Variants in PARD3B observed in about 807,000 individuals in gnomAD.
PARD3B encodes the protein partitioning defective 3 homolog B.
PARD3B carries 103 observed loss-of-function variants against 130.2 expected under a neutral mutation model. The observed-to-expected ratio is 0.79, with a 90% CI of 0.67 to 0.93. The LOEUF is 0.93. Among genes scored for constraint, PARD3B ranks in the 40% least tolerant of loss-of-function variants. PARD3B has a pLI of 0.00. For synonymous variants in PARD3B, 583 were observed against 553.2 expected, an observed-to-expected ratio of 1.05 and a Z score of -0.76; for missense variants, 1,609 against 1,499.2, an observed-to-expected ratio of 1.07 and a Z score of -1.21.
intron 1 of PARD3B, among the ~76,000 whole-genome samples, chr2:204,681,195 C>T (rs77022920): frequency 7.9e-5 from 12 of 152,124 alleles, no homozygotes; most frequent in Non-Finnish European, 1.6e-4. Flanking sequence ...ATTAATACTT[C>T]TTTCCTTGAA....
At chr2:205,059,639 T>C (rs528935202) in intron 4 of PARD3B, among the ~76,000 whole-genome samples, 1 of 152,188 alleles carries the variant, frequency 6.6e-6, no homozygotes, top group East Asian at 1.9e-4. Flanking sequence ...CCTTTATGAA[T>C]CTAGAAACTT....
chr2:204,959,744 G>A (rs1289891357), intron 2 of PARD3B, among the ~76,000 whole-genome samples: 1 of 152,182 alleles, frequency 6.6e-6, no homozygotes, highest in Non-Finnish European at 1.5e-5. Context: ...AGTTTCAGAT[G>A]TTCCTTTCAG....
At chr2:204,973,691 G>GATAA (rs1178654832) in intron 3 of PARD3B, among the ~76,000 whole-genome samples, 1 of 152,064 alleles carries the variant, frequency 6.6e-6, no homozygotes, top group Admixed American at 6.6e-5. Context: ...TGCTTTATCT[G>GATAA]ATAAAGCCTT....
At chr2:204,772,422 T>C (rs1456322040) in intron 2 of PARD3B, among the ~76,000 whole-genome samples, 1 of 152,122 alleles carries the variant, frequency 6.6e-6, no homozygotes, top group East Asian at 1.9e-4. Context: ...ACAACTGCAA[T>C]TGATCCCAAT....
chr2:204,738,532 G>A (rs1230815958), intron 2 of PARD3B, among the ~76,000 whole-genome samples: 1 of 152,128 alleles, frequency 6.6e-6, no homozygotes, highest in African/African-American at 2.4e-5. Context: ...TAGTTTATTA[G>A]GTAGGAGTTC....
At chr2:205,511,435 C>T (rs185809090) in intron 21 of PARD3B, among the ~76,000 whole-genome samples, 5 of 152,248 alleles carry the variant, frequency 3.3e-5, no homozygotes, top group East Asian at 3.9e-4. Context: ...TCCAGGATGT[C>T]GAGTTTAGAA....
At chr2:205,052,423 A>ATATATATATATATATATATATATATG (rs1699266400) in intron 4 of PARD3B, among the ~76,000 whole-genome samples, 1 of 13,408 alleles carries the variant, frequency 7.5e-5, no homozygotes, top group Non-Finnish European at 1.6e-4. Flanking sequence ...ATATATGTAT[A>ATATATATATATATATATATATATATG]TATATATATA....
At chr2:205,546,159 A>T (rs2052370547) in intron 21 of PARD3B, among the ~76,000 whole-genome samples, 1 of 152,236 alleles carries the variant, frequency 6.6e-6, no homozygotes, top group Non-Finnish European at 1.5e-5. Flanking sequence ...TAGGCTTGTC[A>T]CAGGCTGTCA....
At position 205,581,594 on chromosome 2, in the gene PARD3B, T is replaced by G. The variant is rs1281747883; in HGVS notation, c.3260+28191T>G. Among the ~76,000 whole-genome samples the G allele has an allele frequency of 3.3e-5, 5 of 150,620 alleles. No homozygotes were observed. In the South Asian group the frequency reaches 8.4e-4, roughly 25 times the overall value. On this transcript the variant is annotated intron_variant, in intron 22 of 22. Coordinates refer to ENST00000406610, the MANE Select transcript of PARD3B (RefSeq NM_001302769.2). ...AATTTAGTATATATTTTTAAATAACTAAAACAGTGGAATCGGAATGTTCCT... is the reference window on the plus strand; with the variant it reads ...AATTTAGTATATATTTTTAAATAACGAAAACAGTGGAATCGGAATGTTCCT...
chr2:205,187,397 G>A lies in PARD3B; in HGVS notation c.2024+1534G>A, dbSNP rs560420186. ...TAGTCAATCTTATTGCAGGGTTTTC[G>A]CAGGTAATACACAGAATGAAACCTG... On this transcript the variant is annotated intron_variant, in intron 14 of 22. Coordinates refer to ENST00000406610, the MANE Select transcript of PARD3B (RefSeq NM_001302769.2). This position sits in a 1 kb window ranked among gnomAD's most constrained non-coding sequence, Gnocchi z 4.9. 5.9e-5 allele frequency among the ~76,000 whole-genome samples: 9 copies of A among 152,274 alleles called. No homozygotes were observed. Among genetic ancestry groups the A allele is most frequent in the East Asian group, 3.9e-4 (2 of 5,180 alleles).
At position 204,657,118 on chromosome 2, in the gene PARD3B, C is replaced by T. The variant is rs79755869; in HGVS notation, c.121-29063C>T. ...TGATGCACAGATTCCATCCCACTGT[C>T]GTATCACTTTCTTCTCTTCACAGGA... On this transcript the variant is annotated intron_variant, in intron 1 of 22. Coordinates refer to ENST00000406610, the MANE Select transcript of PARD3B (RefSeq NM_001302769.2). Among the ~76,000 whole-genome samples the T allele has an allele frequency of 8.1e-3, 1,229 of 152,280 alleles. 17 individuals carry two copies. Among genetic ancestry groups the T allele is most frequent in the African/African-American group, 0.028 (1,165 of 41,556 alleles).
intron 20 of PARD3B, among the ~76,000 whole-genome samples, chr2:205,447,851 G>A (rs993511128): frequency 4.6e-5 from 7 of 152,156 alleles, no homozygotes; most frequent in Non-Finnish European, 8.8e-5. Context: ...TCTAGTTGAT[G>A]TAGAAATGCC....
chr2:204,588,040 A>G (rs1319022487), intron 1 of PARD3B, among the ~76,000 whole-genome samples: 1 of 152,174 alleles, frequency 6.6e-6, no homozygotes, highest in African/African-American at 2.4e-5. Flanking sequence ...GAATGGGCTA[A>G]TACATCCCCC....
At chr2:205,444,304 A>G (rs2047830540) in intron 20 of PARD3B, among the ~76,000 whole-genome samples, 1 of 151,956 alleles carries the variant, frequency 6.6e-6, no homozygotes, top group African/African-American at 2.4e-5. Context: ...TTTTTTTTTA[A>G]CTATCCAGGT....
intron 2 of PARD3B, among the ~76,000 whole-genome samples, chr2:204,867,145 AT>A (rs2125639907): frequency 6.6e-6 from 1 of 152,256 alleles, no homozygotes; most frequent in East Asian, 1.9e-4. Flanking sequence ...TTGGTAAAGC[AT>A]TTGTTGATTT....
chr2:205,190,655 C>T (rs2036345810), intron 14 of PARD3B, among the ~76,000 whole-genome samples: 1 of 152,178 alleles, frequency 6.6e-6, no homozygotes, highest in East Asian at 1.9e-4. Flanking sequence ...CTCTTTGAGC[C>T]TCAGGGTCTT....
chr2:205,387,906 C>T (rs1393960716), intron 18 of PARD3B, among the ~76,000 whole-genome samples: 1 of 152,150 alleles, frequency 6.6e-6, no homozygotes, highest in African/African-American at 2.4e-5. Flanking sequence ...GTTTTTAATG[C>T]ATTATGGCAG....
At position 205,473,842 on chromosome 2, in the gene PARD3B, C is replaced by A. The variant is rs547790556; in HGVS notation, c.3045-26054C>A. Among the ~76,000 whole-genome samples the A allele has an allele frequency of 6.6e-6, 1 of 150,506 alleles. No individual in the cohort carries two copies. Among genetic ancestry groups the A allele is most frequent in the Non-Finnish European group, 1.5e-5 (1 of 67,634 alleles). On this transcript the variant is annotated intron_variant, in intron 20 of 22. Coordinates refer to ENST00000406610, the MANE Select transcript of PARD3B (RefSeq NM_001302769.2). This position sits in a 1 kb window ranked among gnomAD's most constrained non-coding sequence, Gnocchi z 4.9. The stretch of plus-strand genomic sequence containing the variant: ...AGGGGAGATATTCTTTTCTTTGTTA[C>A]GTTTAAATGAACTTCACCCTGAGCT...
At chr2:204,992,507 A>G (rs1162846051) in intron 3 of PARD3B, among the ~76,000 whole-genome samples, 1 of 147,988 alleles carries the variant, frequency 6.8e-6, no homozygotes, top group African/African-American at 2.5e-5. Flanking sequence ...GAAGTCAAGT[A>G]GTGTGATGCC....
Sources: gnomAD v4.1 joint callset for allele counts (sites outside exome capture counted in the v4.1 genomes callset) on GRCh38, gnomAD v4.1.1 for gene constraint, Gnocchi (gnomAD v3.1) non-coding constraint, MANE v1.5 for transcripts, NCBI Gene and HGNC (gene_info 2026-07-23, HGNC 2026-07-21) for gene names.